SORBS2: variants seen among roughly 807,000 people sequenced by gnomAD.
SORBS2 encodes the protein sorbin and SH3 domain-containing protein 2.
SORBS2 carries 46 observed loss-of-function variants against 97.7 expected under a neutral mutation model. That is an observed-to-expected ratio of 0.47 (90% confidence interval 0.37 to 0.60). The LOEUF is 0.60. Ranked by LOEUF, SORBS2 falls within the 20% of genes least tolerant of loss-of-function variation. SORBS2 has a pLI of 0.00. For missense variants in SORBS2, 1,316 were observed against 1,282.3 expected, an observed-to-expected ratio of 1.03 and a Z score of -0.40; for synonymous variants, 476 against 473.4, an observed-to-expected ratio of 1.01 and a Z score of -0.07.
chr4:185,879,874 C>T (rs4862582), intron 1 of SORBS2, among the ~76,000 whole-genome samples: 2 of 152,082 alleles, frequency 1.3e-5, no homozygotes, highest in African/African-American at 2.4e-5. Context: ...AGGGCGTCCA[C>T]GTGTCTTTGT....
chr4:185,627,980 G>A (rs1387634882), intron 5 of SORBS2, among the ~76,000 whole-genome samples: 1 of 152,044 alleles, frequency 6.6e-6, no homozygotes, highest in Admixed American at 6.6e-5. Flanking sequence ...CACTTTTAAG[G>A]CTCCTCCATG....
At chr4:185,827,803 A>G (rs2099202406) in intron 1 of SORBS2, among the ~76,000 whole-genome samples, 1 of 147,626 alleles carries the variant, frequency 6.8e-6, no homozygotes, top group South Asian at 2.2e-4. Context: ...CATCATCGTC[A>G]TCATCACCAT....
intron 1 of SORBS2, among the ~76,000 whole-genome samples, chr4:185,955,944 G>A (rs964979391): frequency 2.6e-5 from 4 of 151,658 alleles, no homozygotes; most frequent in African/African-American, 7.3e-5. Flanking sequence ...GCTTACCTTC[G>A]CAACAATAGC....
At chr4:185,637,287 AGTGCAGGAACCTGCT>A (rs2097027075) in intron 4 of SORBS2, among the ~76,000 whole-genome samples, 1 of 152,214 alleles carries the variant, frequency 6.6e-6, no homozygotes, top group Non-Finnish European at 1.5e-5. Context: ...TACAGTATGG[AGTGCAGGAACCTGCT>A]GTACAGGTTT....
At chr4:185,629,734 T>C (rs2096876036) in intron 5 of SORBS2, among the ~76,000 whole-genome samples, 1 of 151,980 alleles carries the variant, frequency 6.6e-6, no homozygotes, top group African/African-American at 2.4e-5. Flanking sequence ...AGCTAATTTT[T>C]GTAGTTTTAG....
At chr4:185,821,187 GC>G (rs2099196630) in intron 1 of SORBS2, among the ~76,000 whole-genome samples, 1 of 152,212 alleles carries the variant, frequency 6.6e-6, no homozygotes, top group Non-Finnish European at 1.5e-5. Flanking sequence ...CCACACGCGA[GC>G]TAAGTGGCTG....
chr4:185,911,118 A>G (rs779516899), intron 1 of SORBS2, among the ~76,000 whole-genome samples: 1 of 152,232 alleles, frequency 6.6e-6, no homozygotes, highest in African/African-American at 2.4e-5. Context: ...GTCCAAGTTT[A>G]CAAACAAGTT....
intron 1 of SORBS2, among the ~76,000 whole-genome samples, chr4:185,918,911 A>G (rs4541561): frequency 6.6e-6 from 1 of 152,248 alleles, no homozygotes; most frequent in Non-Finnish European, 1.5e-5. Context: ...AATGATCTGT[A>G]TAATATATAC....
chr4:185,740,868 A>AACCAGCACTAACTCGG (rs1562235436), intron 2 of SORBS2, among the ~76,000 whole-genome samples: 22 of 150,786 alleles, frequency 1.5e-4, no homozygotes, highest in South Asian at 4.2e-4. Flanking sequence ...CACCAACTCG[A>AACCAGCACTAACTCGG]ACCAGCACTA....
At chr4:185,661,103 CCT>C (rs71670177), upstream of SORBS2, among the ~76,000 whole-genome samples, 17,808 of 151,712 alleles carry the variant, frequency 0.12, 1,135 homozygotes, top group Middle Eastern at 0.15. Flanking sequence ...GGTGAAACCC[CCT>C]GTCTGTACTA....
At position 185,623,916 on chromosome 4, in the gene SORBS2, C is replaced by T. The variant is rs961077880; in HGVS notation, c.1213G>A (p.Val405Met). 4.3e-6 allele frequency: 7 copies of T among 1,614,072 alleles called. No homozygotes were observed. Among genetic ancestry groups the T allele is most frequent in the Non-Finnish European group, 5.1e-6 (6 of 1,180,044 alleles). Residue 405 changes from valine (V) to methionine (M), a missense_variant, in exon 7 of 15, where the codon GTG (valine) becomes ATG (methionine). Transcript: ENST00000418609. The surrounding 1 kb of genome is among the most constrained non-coding windows in gnomAD (Gnocchi z 6.4). ...CGTGTGGGCACCATGTCCCGGGGCA[C>T]CTCCTCCGTGGAGCACTGGCTCCAG... is the stretch of plus-strand genomic sequence containing the variant.
intron 1 of SORBS2, among the ~76,000 whole-genome samples, chr4:185,942,505 C>T (rs886951419): frequency 1.3e-5 from 2 of 152,066 alleles, no homozygotes; most frequent in African/African-American, 2.4e-5. Flanking sequence ...TGCCCACCAC[C>T]ATGCCCAGCT....
At chr4:185,940,071 G>A (rs1319591132) in intron 1 of SORBS2, among the ~76,000 whole-genome samples, 1 of 152,076 alleles carries the variant, frequency 6.6e-6, no homozygotes, top group African/African-American at 2.4e-5. Context: ...TACATCAGTG[G>A]CCATTTCTGT....
chr4:185,657,444 T>C (rs752158492), upstream of SORBS2: 1 of 1,560,052 alleles, frequency 6.4e-7, no homozygotes, highest in South Asian at 1.2e-5. Flanking sequence ...GCTGTGGGGA[T>C]TCCGGATTCA....
exon 1 of SORBS2, chr4:185,656,742 C>A (rs933157217): frequency 6.5e-7 from 1 of 1,536,172 alleles, no homozygotes; most frequent in African/African-American, 1.4e-5. Flanking sequence ...GCCTCTGCTA[C>A]TGCTGCGTTT....
intron 2 of SORBS2, among the ~76,000 whole-genome samples, chr4:185,702,428 C>T (rs987474207): frequency 6.6e-6 from 1 of 152,196 alleles, no homozygotes; most frequent in Non-Finnish European, 1.5e-5. Flanking sequence ...AACTCACTCA[C>T]TCTCCCTCTG....
At chr4:185,867,899 G>A (rs1297530509) in intron 1 of SORBS2, among the ~76,000 whole-genome samples, 1 of 151,966 alleles carries the variant, frequency 6.6e-6, no homozygotes, top group Non-Finnish European at 1.5e-5. Flanking sequence ...AACCCTCAGG[G>A]GTCCCACCAA....
intron 1 of SORBS2, among the ~76,000 whole-genome samples, chr4:185,840,145 T>C (rs537136136): frequency 9.9e-5 from 15 of 152,282 alleles, no homozygotes; most frequent in South Asian, 4.2e-4. Flanking sequence ...CAAAGAGTGA[T>C]AGCGAGATTC....
At chr4:185,634,830 G>A (rs1415578691) in intron 4 of SORBS2, among the ~76,000 whole-genome samples, 1 of 151,990 alleles carries the variant, frequency 6.6e-6, no homozygotes, top group Non-Finnish European at 1.5e-5. Flanking sequence ...TATGAAACTG[G>A]GAAGTTGTGA....
Sources: gnomAD v4.1 joint callset for allele counts (sites outside exome capture counted in the v4.1 genomes callset) on GRCh38, gnomAD v4.1.1 for gene constraint, Gnocchi (gnomAD v3.1) non-coding constraint, MANE v1.5 for transcripts, NCBI Gene and HGNC (gene_info 2026-07-23, HGNC 2026-07-21) for gene names.